Variants in ACSM5 observed in about 807,000 individuals in gnomAD.
The protein encoded by ACSM5 is acyl-CoA synthetase medium chain family member 5, also known as acyl-coenzyme A synthetase ACSM5, mitochondrial.
ACSM5 carries 56 observed loss-of-function variants against 71.6 expected under a neutral mutation model. The observed-to-expected ratio is 0.78, with a 90% CI of 0.63 to 0.98. The LOEUF (loss-of-function observed/expected upper bound fraction) is 0.98, where lower values mean the gene tolerates loss of function less well. ACSM5 is among the 50% of genes least tolerant of loss of function. ACSM5 has a pLI of 0.00. For synonymous variants in ACSM5, 285 were observed against 281.5 expected (o/e 1.01, Z -0.12); for missense variants, 723 against 726.0 (o/e 1.00, Z 0.05).
At chr16:20,427,178 G>C (rs56302779) in intron 6 of ACSM5, among the ~76,000 whole-genome samples, 38,178 of 145,196 alleles carry the variant, frequency 0.26, 4,885 homozygotes, top group African/African-American at 0.47. Context: ...GTGGGCACCT[G>C]TAATCCCAGC....
chr16:20,439,613 T>C (rs918108327), intron 12 of ACSM5, among the ~76,000 whole-genome samples, 187 bp from the exon 13 acceptor site: 6 of 151,252 alleles, frequency 4.0e-5, no homozygotes, highest in Non-Finnish European at 8.8e-5. Flanking sequence ...ATCCTCCTAA[T>C]AGTCACACCT....
chr16:20,433,046 C>A (rs1967131631), intron 10 of ACSM5, among the ~76,000 whole-genome samples: 1 of 151,918 alleles, frequency 6.6e-6, no homozygotes. Flanking sequence ...TTAGTAGAGA[C>A]AGGGTTTTGC....
At chr16:20,418,532 C>T (rs573310412) in intron 3 of ACSM5, among the ~76,000 whole-genome samples, 6 of 152,230 alleles carry the variant, frequency 3.9e-5, no homozygotes, top group East Asian at 1.9e-4. Context: ...CAAATGGGGT[C>T]GCTGCTTCTC....
chr16:20,430,107 C>T (rs1182797020), intron 8 of ACSM5, among the ~76,000 whole-genome samples: 1 of 151,922 alleles, frequency 6.6e-6, no homozygotes, highest in African/African-American at 2.4e-5. Context: ...ATGTACACTA[C>T]TCAGCTTACA....
At chr16:20,422,894 G>C (rs1464907432) in intron 5 of ACSM5, among the ~76,000 whole-genome samples, 1 of 152,170 alleles carries the variant, frequency 6.6e-6, no homozygotes, top group East Asian at 1.9e-4. Context: ...TGAACAACTG[G>C]AAGCACTAAA....
At chr16:20,428,629 A>G (rs12926547) in intron 7 of ACSM5, among the ~76,000 whole-genome samples, 13,126 of 152,160 alleles carry the variant, frequency 0.086, 694 homozygotes, top group East Asian at 0.19. Flanking sequence ...GTGTCCAAAA[A>G]AGGGAGTTCT....
intron 2 of ACSM5, among the ~76,000 whole-genome samples, chr16:20,415,708 C>T: frequency 6.6e-6 from 1 of 152,250 alleles, no homozygotes; most frequent in South Asian, 2.1e-4. Flanking sequence ...ATTGGGAGCC[C>T]AGAGGGTGGA....
intron 6 of ACSM5, 28 bp downstream of exon 6, chr16:20,424,097 T>G: frequency 6.2e-7 from 1 of 1,611,704 alleles, no homozygotes; most frequent in African/African-American, 1.3e-5. Flanking sequence ...CAATACCCCA[T>G]ATGTGTTGGG....
intron 7 of ACSM5, among the ~76,000 whole-genome samples, chr16:20,428,698 C>G (rs1384701797): frequency 2.0e-5 from 3 of 152,178 alleles, no homozygotes; most frequent in African/African-American, 7.2e-5. Flanking sequence ...ATTCATTGAT[C>G]TGATGTGTGC....
At chr16:20,422,782 G>A (rs939733118) in intron 5 of ACSM5, among the ~76,000 whole-genome samples, 1 of 152,150 alleles carries the variant, frequency 6.6e-6, no homozygotes. Flanking sequence ...GAGAAGAGAT[G>A]AGATTCTGAA....
intron 6 of ACSM5, among the ~76,000 whole-genome samples, chr16:20,424,487 T>G (rs571134719): frequency 1.0e-3 from 153 of 152,268 alleles, no homozygotes; most frequent in African/African-American, 3.6e-3. Flanking sequence ...CAGGGTCTTC[T>G]CATGGGGAGG....
chr16:20,431,951 A>ATGATAATAATAATAAT (rs1212880644), intron 10 of ACSM5, among the ~76,000 whole-genome samples: 1 of 141,508 alleles, frequency 7.1e-6, no homozygotes, highest in Non-Finnish European at 1.5e-5. Context: ...TATCAAAAAA[A>ATGATAATAATAATAAT]AAAAATAATA....
chr16:20,410,864 T>C lies in ACSM5; in HGVS notation c.-15-606T>C, dbSNP rs550754392. Among the ~76,000 whole-genome samples the C allele has an allele frequency of 2.6e-4, 39 of 152,322 alleles. No homozygotes were observed. In the South Asian group the frequency reaches 5.8e-3, roughly 23 times the overall value. ...AGTGTGGCTAGTCCAAATTGACATG[T>C]GTTTGTAAGGGTAAAGTCTATTTCA... On this transcript the variant is annotated intron_variant, in intron 1 of 13. Transcript: ENST00000331849.
At chr16:20,428,148 A>C (rs2141654227) in intron 7 of ACSM5, among the ~76,000 whole-genome samples, 1 of 152,304 alleles carries the variant, frequency 6.6e-6, no homozygotes, top group South Asian at 2.1e-4. Context: ...TTTAAGGCAG[A>C]CTGAAATTTT....
intron 7 of ACSM5, 142 bp downstream of exon 7, chr16:20,428,009 GTCTC>G: frequency 1.4e-6 from 1 of 699,168 alleles, no homozygotes; most frequent in Non-Finnish European, 2.5e-6. Context: ...CTCTCTCTTT[GTCTC>G]TCTCTCACAC....
intron 12 of ACSM5, 120 bp from the exon 13 acceptor site, chr16:20,439,680 A>G (rs1176920909): frequency 3.2e-6 from 4 of 1,261,956 alleles, no homozygotes; most frequent in African/African-American, 3.1e-5. Flanking sequence ...GTGCCCAAAA[A>G]AAACTAGTAG....
At position 20,441,152 on chromosome 16, in the gene ACSM5, A is replaced by T. The variant is rs1967325912; in HGVS notation, c.*725A>T. On this transcript the variant is annotated 3_prime_UTR_variant, in exon 14 of 14. Transcript: ENST00000331849. Reference sequence around the variant, plus strand: ...AAAAATATTCATACTGGAGAATCCCAACTCTGAAAAATAAAGGGAAAACTG... The same window carrying T: ...AAAAATATTCATACTGGAGAATCCCTACTCTGAAAAATAAAGGGAAAACTG... The T allele has an allele frequency of 6.6e-6, 1 of 152,204 alleles. No homozygotes were observed. Among genetic ancestry groups the T allele is most frequent in the Non-Finnish European group, 1.5e-5 (1 of 68,040 alleles). The allele number at this position is 152,204 out of a possible 1,614,324, so 9.4% of individuals were successfully genotyped here.
chr16:20,420,270 C>T (rs554616843), intron 4 of ACSM5, among the ~76,000 whole-genome samples: 5 of 152,300 alleles, frequency 3.3e-5, no homozygotes, highest in African/African-American at 4.8e-5. Context: ...TAACCAGACA[C>T]AGCTGAGCAA....
At chr16:20,428,939 A>C (rs1460067996) in intron 7 of ACSM5, among the ~76,000 whole-genome samples, 1 of 151,786 alleles carries the variant, frequency 6.6e-6, no homozygotes, top group Non-Finnish European at 1.5e-5. Context: ...AATTTTTGGG[A>C]TTCTTAGGGG....
Sources: gnomAD v4.1 joint callset for allele counts (sites outside exome capture counted in the v4.1 genomes callset) on GRCh38, gnomAD v4.1.1 for gene constraint, MANE v1.5 for transcripts, NCBI Gene and HGNC (gene_info 2026-07-23, HGNC 2026-07-21) for gene names.